The following KIF5B variants were observed in gnomAD, a reference collection of about 807,000 sequenced individuals.
The protein encoded by KIF5B is kinesin-1 heavy chain.
In KIF5B, 49 loss-of-function variants were observed where a neutral mutation model predicts 132.8. That is an observed-to-expected ratio of 0.37 (90% confidence interval 0.29 to 0.47). The LOEUF is 0.47. Ranked by LOEUF, KIF5B falls within the 20% of genes least tolerant of loss-of-function variation. The pLI is 1.00. For missense variants in KIF5B, 780 were observed against 1,144.0 expected (o/e 0.68, Z 4.59); for synonymous variants, 355 against 369.4 (o/e 0.96, Z 0.45).
chr10:32,021,974 A>G (rs1398344695), intron 17 of KIF5B, among the ~76,000 whole-genome samples, 166 bp downstream of exon 17: 1 of 152,226 alleles, frequency 6.6e-6, no homozygotes, highest in Non-Finnish European at 1.5e-5. Context: ...CGCCGTCTCA[A>G]AACAACAACA....
At chr10:32,024,948 G>A (rs375733171) in intron 15 of KIF5B, among the ~76,000 whole-genome samples, 1 of 151,962 alleles carries the variant, frequency 6.6e-6, no homozygotes, top group South Asian at 2.1e-4. Flanking sequence ...GTGGTGGTAC[G>A]CGCCTGTGTT....
intron 4 of KIF5B, 77 bp from the exon 5 acceptor site, chr10:32,038,903 G>A: frequency 1.2e-6 from 1 of 857,754 alleles, no homozygotes; most frequent in Non-Finnish European, 1.9e-6. Flanking sequence ...TGAGTGCTAG[G>A]CATTGTTTAG....
At chr10:32,021,609 C>A (rs1592440361) in intron 17 of KIF5B, among the ~76,000 whole-genome samples, 1 of 141,960 alleles carries the variant, frequency 7.0e-6, no homozygotes, top group Middle Eastern at 3.7e-3. Flanking sequence ...ACACACACAC[C>A]CCGCTTCGTA....
intron 17 of KIF5B, 116 bp downstream of exon 17, chr10:32,022,024 T>C: frequency 1.6e-6 from 1 of 615,718 alleles, no homozygotes; most frequent in Non-Finnish European, 2.9e-6. Flanking sequence ...TATGATTTGT[T>C]TACCATTCGA....
intron 23 of KIF5B, 84 bp downstream of exon 23, chr10:32,017,968 T>C: frequency 1.5e-6 from 1 of 646,966 alleles, no homozygotes. Flanking sequence ...CTGAGGACTC[T>C]GAAAGATTGA....
rs754232261 is a variant in KIF5B, at chr10:32,010,341, A to G, written c.*1196T>C. ...TACGTATACACTTAGTACTGATTAC[A>G]AAATTATCGGCTATGGCCAAGAAAA... On this transcript the variant is annotated 3_prime_UTR_variant, in exon 26 of 26. Coordinates refer to ENST00000302418, the MANE Select transcript of KIF5B (RefSeq NM_004521.3). 3 of 152,228 alleles carry G rather than the reference A, an allele frequency of 2.0e-5. No homozygotes were observed. The highest frequency in any genetic ancestry group is 4.8e-5 in the African/African-American group (2 of 41,468). 9.4% of individuals were successfully genotyped at this position (152,228 alleles called of 1,614,324 possible).
At chr10:32,035,479 A>T in intron 10 of KIF5B, 43 bp downstream of exon 10, 1 of 1,520,968 alleles carries the variant, frequency 6.6e-7, no homozygotes, top group Non-Finnish European at 9.0e-7. Context: ...TATAAACAAA[A>T]GGTCTATCTA....
chr10:32,040,628 C>CAA (rs1383203766), intron 2 of KIF5B, among the ~76,000 whole-genome samples, 171 bp from the exon 3 acceptor site: 1 of 7,288 alleles, frequency 1.4e-4, no homozygotes, highest in Non-Finnish European at 4.5e-4. Context: ...CACCCTAAAA[C>CAA]ACACACACAC....
chr10:32,039,717 T>C (rs1841507355), intron 3 of KIF5B, among the ~76,000 whole-genome samples: 1 of 152,192 alleles, frequency 6.6e-6, no homozygotes, highest in Non-Finnish European at 1.5e-5. Flanking sequence ...AAAAAGGTTT[T>C]AGTTTCTTTC....
chr10:32,016,143 A>T (rs1841157575), intron 24 of KIF5B, among the ~76,000 whole-genome samples: 1 of 152,126 alleles, frequency 6.6e-6, no homozygotes, highest in African/African-American at 2.4e-5. Context: ...ACCCTGTGTC[A>T]TAAAAAACAA....
At chr10:32,020,936 G>T in intron 19 of KIF5B, 86 bp downstream of exon 19, 1 of 626,158 alleles carries the variant, frequency 1.6e-6, no homozygotes, top group South Asian at 2.9e-5. Context: ...TAATTTTGAT[G>T]AAAACTGCAG....
intron 20 of KIF5B, among the ~76,000 whole-genome samples, chr10:32,018,843 G>A (rs1841217883): frequency 6.6e-6 from 1 of 151,988 alleles, no homozygotes; most frequent in Non-Finnish European, 1.5e-5. Flanking sequence ...GGGACTACAG[G>A]CATGTACAAT....
At chr10:32,048,396 G>T (rs891272154) in intron 2 of KIF5B, 68 bp downstream of exon 2, 10 of 1,025,046 alleles carry the variant, frequency 9.8e-6, no homozygotes, top group Non-Finnish European at 1.2e-5. Flanking sequence ...AGGAAGCTGA[G>T]TAAGTAGAAA....
chr10:32,045,342 T>C (rs369516279), intron 2 of KIF5B, among the ~76,000 whole-genome samples: 48 of 152,296 alleles, frequency 3.2e-4, no homozygotes, highest in East Asian at 9.6e-4. Context: ...CTGCATTGCT[T>C]AGGAAAGACC....
intron 8 of KIF5B, 89 bp from the exon 9 acceptor site, chr10:32,036,083 C>A (rs1841456972): frequency 3.8e-6 from 3 of 785,568 alleles, no homozygotes; most frequent in Non-Finnish European, 3.8e-6. Flanking sequence ...TCATCAATAA[C>A]CAGTAAAAAA....
At chr10:32,036,122 C>A (rs1841457370) in intron 8 of KIF5B, 128 bp from the exon 9 acceptor site, 1 of 548,244 alleles carries the variant, frequency 1.8e-6, no homozygotes. Context: ...GCTTCATGAT[C>A]TTATTTGCCA....
chr10:32,012,115 AG>A (rs1249511925), intron 25 of KIF5B, among the ~76,000 whole-genome samples: 1 of 152,238 alleles, frequency 6.6e-6, no homozygotes, highest in Non-Finnish European at 1.5e-5. Flanking sequence ...TAAAAGTATC[AG>A]TATTATAAAT....
chr10:32,021,310 G>A, intron 17 of KIF5B, 23 bp from the exon 18 acceptor site: 2 of 1,557,980 alleles, frequency 1.3e-6, no homozygotes, highest in Non-Finnish European at 1.8e-6. Context: ...AGAGAAAATA[G>A]AAGAGTGAAA....
intron 6 of KIF5B, among the ~76,000 whole-genome samples, 159 bp downstream of exon 6, chr10:32,038,004 A>G (rs2132605256): frequency 6.7e-6 from 1 of 148,472 alleles, no homozygotes; most frequent in Admixed American, 6.7e-5. Context: ...CAGCTACTCA[A>G]GAGGCTGAGG....
Sources: allele counts gnomAD v4.1 joint callset (sites outside exome capture counted in the v4.1 genomes callset), GRCh38; gene constraint gnomAD v4.1.1; transcripts MANE v1.5; gene names NCBI Gene and HGNC (gene_info 2026-07-23, HGNC 2026-07-21).